Variants in CEP95 observed in about 807,000 individuals in gnomAD.
CEP95 encodes the protein centrosomal protein of 95 kDa.
CEP95 carries 98 observed loss-of-function variants against 111.2 expected under a neutral mutation model. That is an observed-to-expected ratio of 0.88 (90% confidence interval 0.75 to 1.04). The LOEUF (loss-of-function observed/expected upper bound fraction) is 1.04, where lower values mean the gene tolerates loss of function less well. CEP95 is among the 50% of genes least tolerant of loss of function. The pLI is 0.00. For synonymous variants in CEP95, 323 were observed against 327.1 expected, an observed-to-expected ratio of 0.99 and a Z score of 0.14; for missense variants, 1,027 against 977.2, an observed-to-expected ratio of 1.05 and a Z score of -0.68.
At chr17:64,509,980 A>G (rs1453292176) in intron 2 of CEP95, among the ~76,000 whole-genome samples, 193 bp from the exon 3 acceptor site, 1 of 152,188 alleles carries the variant, frequency 6.6e-6, no homozygotes, top group African/African-American at 2.4e-5. Flanking sequence ...GGTTCAATCA[A>G]TAAATACTCA....
intron 5 of CEP95, among the ~76,000 whole-genome samples, chr17:64,518,494 A>G (rs1205800463): frequency 1.3e-5 from 2 of 152,200 alleles, no homozygotes; most frequent in African/African-American, 4.8e-5. Flanking sequence ...TCATTTTCAC[A>G]GTTTTTAAAC....
rs936595135 is a variant in CEP95, at chr17:64,507,180, G to C, written c.19+64G>C. 52 of 1,550,360 alleles carry C rather than the reference G, an allele frequency of 3.4e-5. No individual in the cohort carries two copies. The Middle Eastern group carries it at 6.9e-4, about 21-fold the overall frequency. On this transcript the variant is annotated intron_variant, in intron 1 of 19. Transcript: ENST00000556440. ...AACCGTCCACCTCCAGGGAGGCCTC[G>C]GGCTAGCCCGGACTGGGTCTGGGCT...
rs782544707 is a variant in CEP95 at position 64,527,231 on chromosome 17, A to G, written c.1273A>G (p.Ile425Val). 6.2e-7 allele frequency: 1 copy of G among 1,613,474 alleles called. No homozygotes were observed. The highest frequency in any genetic ancestry group is 8.5e-7 in the Non-Finnish European group (1 of 1,179,636). Residue 425 changes from isoleucine to valine, a missense_variant, in exon 11 of 20, where the codon ATC becomes GTC. Coordinates refer to ENST00000556440, the MANE Select transcript of CEP95 (RefSeq NM_138363.3). ...EETLSQHSDG[I>V]VEYGPKKSRP... Reference sequence around the variant, plus strand: ...GACACTGTCTCAGCACAGTGATGGCATCGTGGAGTATGGGCCAAAGAAGTC... The same window carrying G: ...GACACTGTCTCAGCACAGTGATGGCGTCGTGGAGTATGGGCCAAAGAAGTC...
chr17:64,507,486 G>A, intron 1 of CEP95: 2 of 1,226,492 alleles, frequency 1.6e-6, no homozygotes, highest in Non-Finnish European at 2.0e-6. Flanking sequence ...ACCTGCTTTT[G>A]TATTGGTCTT....
intron 3 of CEP95, among the ~76,000 whole-genome samples, chr17:64,513,154 G>A (rs1449158347): frequency 2.6e-5 from 4 of 152,112 alleles, no homozygotes; most frequent in African/African-American, 9.7e-5. Flanking sequence ...TGTTTTAAAC[G>A]AAAAAACTCA....
chr17:64,513,871 T>C (rs2039011260), intron 3 of CEP95, among the ~76,000 whole-genome samples: 1 of 152,162 alleles, frequency 6.6e-6, no homozygotes, highest in Non-Finnish European at 1.5e-5. Context: ...TGCCACTTTT[T>C]CCCACCAATC....
At position 64,532,512 on chromosome 17, in the gene CEP95, T is replaced by C. The variant is rs1968350138; in HGVS notation, c.1673-327T>C. The C allele has an allele frequency of 5.1e-6, 5 of 985,420 alleles. No homozygotes were observed. In the Middle Eastern group the frequency reaches 1.6e-3, roughly 309 times the overall value. 61.0% of individuals were successfully genotyped at this position (985,420 alleles called of 1,614,324 possible). On this transcript the variant is annotated intron_variant, in intron 14 of 19. Coordinates refer to ENST00000556440, the MANE Select transcript of CEP95 (RefSeq NM_138363.3). Reference sequence around the variant, plus strand: ...CCTTTAGACCAGAAACTTTTTCTTCTAAGCACTTGCCTACCGGGAAGGTTG... The same window carrying C: ...CCTTTAGACCAGAAACTTTTTCTTCCAAGCACTTGCCTACCGGGAAGGTTG...
At chr17:64,532,627 C>A (rs1053090391) in intron 14 of CEP95, 1 of 1,344,794 alleles carries the variant, frequency 7.4e-7, no homozygotes, top group Non-Finnish European at 9.5e-7. Context: ...ACCAGCATGG[C>A]ATCAATCCAG....
At chr17:64,536,890 T>C in intron 18 of CEP95, 142 bp downstream of exon 18, 2 of 1,207,822 alleles carry the variant, frequency 1.7e-6, no homozygotes, top group Middle Eastern at 2.1e-4. Context: ...CATTTCAAGA[T>C]TGAAATTTAA....
chr17:64,523,059 T>C (rs1555678371), intron 8 of CEP95, among the ~76,000 whole-genome samples, 164 bp downstream of exon 8: 1 of 152,200 alleles, frequency 6.6e-6, no homozygotes, highest in Admixed American at 6.5e-5. Context: ...GCTAGAATTG[T>C]CAAGCATATT....
At chr17:64,524,948 G>A (rs1598220347) in intron 8 of CEP95, among the ~76,000 whole-genome samples, 1 of 152,072 alleles carries the variant, frequency 6.6e-6, no homozygotes, top group Non-Finnish European at 1.5e-5. Context: ...TCCAGCCTGG[G>A]TGACAGTAAG....
At chr17:64,508,494 T>C in intron 1 of CEP95, 98 bp from the exon 2 acceptor site, 1 of 1,219,450 alleles carries the variant, frequency 8.2e-7, no homozygotes, top group Non-Finnish European at 1.0e-6. Context: ...GTTCAGTGTC[T>C]GTTTTTGTTG....
intron 7 of CEP95, among the ~76,000 whole-genome samples, chr17:64,521,760 T>C (rs1555677927): frequency 1.3e-4 from 20 of 150,656 alleles, no homozygotes; most frequent in Non-Finnish European, 1.5e-5. Context: ...CCACTTACCT[T>C]TTTTTTTTAA....
At position 64,534,475 on chromosome 17, in the gene CEP95, G is replaced by A. The variant is rs1284708519; in HGVS notation, c.1918-110G>A. 8.0e-5 allele frequency: 79 copies of A among 990,226 alleles called. No individual in the cohort carries two copies. The South Asian group carries it at 1.1e-3, about 14-fold the overall frequency. The allele number at this position is 990,226 out of a possible 1,614,324, so 61.3% of individuals were successfully genotyped here. A position where few individuals can be genotyped will look rare whatever the true frequency, so the allele number is the denominator to read the frequency against. ...TTCTGGGGCCACTGGCCCCCCACAC[G>A]TGACATACTGCCTGAAGACATCGTG... On this transcript the variant is annotated intron_variant, in intron 16 of 19. Transcript: ENST00000556440.
rs1250770070 is a variant in CEP95 at position 64,526,170 on chromosome 17, A to G, written c.1122A>G (p.Lys374=). 3.7e-6 allele frequency: 6 copies of G among 1,609,810 alleles called. No homozygotes were observed. Among genetic ancestry groups the G allele is most frequent in the Non-Finnish European group, 5.1e-6 (6 of 1,178,490 alleles). ...AAGAATTACATGATGTATCAGAAAA[A>G]CTCTCTCAGCGGCTTTCTGAACTAG... The part of the protein sequence containing the change: ...TEQELHDVSE[K]LSQRLSELDW... The change falls in exon 10 of 20, where the codon AAA becomes AAG. Residue 374 remains lysine (K), a synonymous_variant. Coordinates refer to ENST00000556440, the MANE Select transcript of CEP95 (RefSeq NM_138363.3).
chr17:64,534,200 C>T, intron 16 of CEP95: 1 of 202,066 alleles, frequency 4.9e-6, no homozygotes, highest in East Asian at 1.3e-4. Context: ...CAGATACTGT[C>T]TAATTTCCTT....
At chr17:64,509,678 C>T (rs1347105344) in intron 2 of CEP95, among the ~76,000 whole-genome samples, 10 of 152,066 alleles carry the variant, frequency 6.6e-5, no homozygotes, top group African/African-American at 2.4e-4. Context: ...GAGCGAGACC[C>T]TGTCTCAATA....
In CEP95 at chr17:64,508,693, C is replaced by T. The variant is rs1555673772; in HGVS notation, c.121C>T (p.Gln41Ter). The T allele has an allele frequency of 6.9e-7, 1 of 1,441,998 alleles. No homozygotes were observed. The highest frequency in any genetic ancestry group is 9.2e-7 in the Non-Finnish European group (1 of 1,087,084). 89.3% of individuals were successfully genotyped at this position (1,441,998 alleles called of 1,614,324 possible). The change falls in exon 2 of 20, where the codon CAG becomes TAG. Residue 41 changes from glutamine to a stop codon, truncating the protein, a stop_gained. Transcript: ENST00000556440. LOFTEE classifies it high-confidence loss of function. ...TGCTAATGTTTTTATTGCTCTTTAT[C>T]AGTCTATTTTGGGAGAAAAGGTACC... is the stretch of plus-strand genomic sequence containing the variant. The part of the protein sequence containing the change: ...CDANVFIALY[Q>*]SILGEKVPDL...
intron 5 of CEP95, among the ~76,000 whole-genome samples, chr17:64,517,539 C>G (rs916871578): frequency 1.3e-5 from 2 of 151,812 alleles, no homozygotes; most frequent in Admixed American, 6.6e-5. Flanking sequence ...TTGCCTGCCC[C>G]TCACCCCTGC....
Sources: gnomAD v4.1 joint callset for allele counts (sites outside exome capture counted in the v4.1 genomes callset) on GRCh38, gnomAD v4.1.1 for gene constraint, MANE v1.5 for transcripts, NCBI Gene and HGNC (gene_info 2026-07-23, HGNC 2026-07-21) for gene names.